OCA2: variants seen among roughly 807,000 people sequenced by gnomAD.
OCA2 encodes the protein OCA2 melanosomal transmembrane protein.
In OCA2, 77 loss-of-function variants were observed where a neutral mutation model predicts 100.2. That is an observed-to-expected ratio of 0.77 (90% CI 0.64 to 0.93). The LOEUF is 0.93. Ranked by LOEUF, OCA2 falls within the 40% of genes least tolerant of loss-of-function variation. The pLI is 0.00. For synonymous variants in OCA2, 432 were observed against 439.2 expected (o/e 0.98, Z 0.21); for missense variants, 1,062 against 1,089.1 (o/e 0.98, Z 0.35).
intron 2 of OCA2, among the ~76,000 whole-genome samples, chr15:28,073,380 C>A (rs2044325809): frequency 6.6e-6 from 1 of 152,164 alleles, no homozygotes; most frequent in African/African-American, 2.4e-5. Flanking sequence ...CACCACTGCA[C>A]TCCAACCTGG....
At position 27,755,053 on chromosome 15, in the gene OCA2, T is replaced by C; in HGVS notation, c.*335A>G. On this transcript the variant is annotated 3_prime_UTR_variant, in exon 24 of 24. Transcript: ENST00000354638. ...CTCAGGAGAATTGACAGTTAAACAG[T>C]ACAGTCAATTTTAGGTGGATGTGTG... 1 of 341,210 alleles carries C rather than the reference T, an allele frequency of 2.9e-6. No individual in the cohort carries two copies. The allele number at this position is 341,210 out of a possible 1,614,324, so 21.1% of individuals were successfully genotyped here.
intron 3 of OCA2, among the ~76,000 whole-genome samples, chr15:28,029,900 G>A (rs138273181): frequency 2.6e-5 from 4 of 152,316 alleles, no homozygotes; most frequent in Non-Finnish European, 5.9e-5. Flanking sequence ...GCTGACCCAT[G>A]TTCTACTCCC....
intron 9 of OCA2, among the ~76,000 whole-genome samples, chr15:28,014,422 A>G (rs115274738): frequency 0.014 from 2,057 of 152,310 alleles, 43 homozygotes; most frequent in African/African-American, 0.047. Context: ...GAGCACACCC[A>G]TCACACAGGT....
chr15:28,003,810 G>A (rs1407708141), intron 9 of OCA2, among the ~76,000 whole-genome samples: 6 of 152,212 alleles, frequency 3.9e-5, no homozygotes, highest in Admixed American at 2.0e-4. Flanking sequence ...TCCTCGATCT[G>A]GGTGCTCTGA....
chr15:27,759,347 A>G (rs2030644782), intron 23 of OCA2, among the ~76,000 whole-genome samples: 1 of 152,224 alleles, frequency 6.6e-6, no homozygotes, highest in African/African-American at 2.4e-5. Context: ...ATCTTGGAGT[A>G]TCAGGAAGGA....
At chr15:27,807,038 C>T (rs1203455350) in intron 23 of OCA2, among the ~76,000 whole-genome samples, 1 of 152,118 alleles carries the variant, frequency 6.6e-6, no homozygotes, top group African/African-American at 2.4e-5. Context: ...TGCTCTGGAC[C>T]GACCGGCCCT....
intron 9 of OCA2, among the ~76,000 whole-genome samples, chr15:28,011,072 A>G (rs528170860): frequency 1.3e-5 from 2 of 152,336 alleles, no homozygotes; most frequent in African/African-American, 2.4e-5. Context: ...ATGCAATTCA[A>G]CTGAGGAGGG....
At chr15:27,842,521 T>C (rs1567013406) in intron 23 of OCA2, among the ~76,000 whole-genome samples, 1 of 152,176 alleles carries the variant, frequency 6.6e-6, no homozygotes, top group Admixed American at 6.5e-5. Flanking sequence ...AAGAAATTCA[T>C]GCAAATAAAG....
At chr15:27,910,098 G>GA (rs112849772) in intron 19 of OCA2, among the ~76,000 whole-genome samples, 36 of 148,154 alleles carry the variant, frequency 2.4e-4, no homozygotes, top group African/African-American at 4.4e-4. Context: ...CTTCAAACAT[G>GA]AAAAAAAAAA....
chr15:27,904,915 G>A (rs1452474981), intron 19 of OCA2, among the ~76,000 whole-genome samples: 1 of 152,198 alleles, frequency 6.6e-6, no homozygotes, highest in Non-Finnish European at 1.5e-5. Flanking sequence ...TGTAATCCCA[G>A]CACTTTGGGA....
intron 18 of OCA2, among the ~76,000 whole-genome samples, chr15:27,940,098 CA>C (rs1381902832): frequency 6.6e-6 from 1 of 152,170 alleles, no homozygotes; most frequent in Non-Finnish European, 1.5e-5. Context: ...TCAGGCTCCT[CA>C]AAATCCAAAT....
At chr15:27,803,342 CAGATAAAT>C (rs1303574446) in intron 23 of OCA2, among the ~76,000 whole-genome samples, 3 of 151,946 alleles carry the variant, frequency 2.0e-5, no homozygotes, top group Non-Finnish European at 2.9e-5. Flanking sequence ...TATCCGTTGA[CAGATAAAT>C]AGATAAATTG....
intron 11 of OCA2, among the ~76,000 whole-genome samples, chr15:27,987,504 G>C (rs543166919): frequency 1.3e-5 from 2 of 151,226 alleles, no homozygotes; most frequent in South Asian, 4.2e-4. Context: ...CGGATCACGA[G>C]ATCAGGAGAT....
At position 28,069,931 on chromosome 15, in the gene OCA2, G is replaced by A. The variant is rs1211882283; in HGVS notation, c.227+11717C>T. On this transcript the variant is annotated intron_variant, in intron 2 of 23. Coordinates refer to ENST00000354638, the MANE Select transcript of OCA2 (RefSeq NM_000275.3). ...TGGAAAGTAAGGAGCATCTCCGCCC[G>A]GCCGCCATCCCATCTAGGAAGTGAG... 5.1e-4 allele frequency among the ~76,000 whole-genome samples: 63 copies of A among 122,620 alleles called. 4 individuals are homozygous for A. The highest frequency in any genetic ancestry group is 6.3e-4 in the Non-Finnish European group (42 of 66,182). 80.4% of individuals were successfully genotyped at this position (122,620 alleles called of 152,430 possible). A position where few individuals can be genotyped will look rare whatever the true frequency, so the allele number is the denominator to read the frequency against.
chr15:27,924,815 G>A (rs565641887), intron 19 of OCA2, among the ~76,000 whole-genome samples: 46 of 152,256 alleles, frequency 3.0e-4, no homozygotes, highest in South Asian at 2.9e-3. Flanking sequence ...GAAGCCAAGC[G>A]TATGAATAAG....
In OCA2 at chr15:27,989,317, AT is replaced by A. The variant is rs3214781; in HGVS notation, c.1182+283del. On this transcript the variant is annotated intron_variant, in intron 11 of 23. Coordinates refer to ENST00000354638, the MANE Select transcript of OCA2 (RefSeq NM_000275.3). The stretch of plus-strand genomic sequence containing the variant: ...ATGGTTTATTTATTTGGGATAGTCC[AT>A]TTTTTTTATTTTAACGGAAATAACT... 5.3e-5 allele frequency among the ~76,000 whole-genome samples: 8 copies of A among 151,980 alleles called. No homozygotes were observed. The East Asian group carries it at 1.5e-3, about 29-fold the overall frequency.
At chr15:27,838,992 G>C (rs1410289465) in intron 23 of OCA2, among the ~76,000 whole-genome samples, 3 of 152,092 alleles carry the variant, frequency 2.0e-5, no homozygotes, top group African/African-American at 4.8e-5. Context: ...TAGAACAATG[G>C]GGGGTGGAGG....
chr15:27,768,055 G>A (rs991289765), intron 23 of OCA2, among the ~76,000 whole-genome samples: 5 of 152,274 alleles, frequency 3.3e-5, no homozygotes, highest in Non-Finnish European at 7.4e-5. Context: ...AGCTGAAAGC[G>A]GTTGGAAAGG....
the OCA2 span, among the ~76,000 whole-genome samples, chr15:27,740,310 A>G: frequency 6.6e-6 from 1 of 152,096 alleles, no homozygotes. Context: ...AGGGACAGAA[A>G]AAGATCAAAA....
Sources: gnomAD v4.1 joint callset for allele counts (sites outside exome capture counted in the v4.1 genomes callset) on GRCh38, gnomAD v4.1.1 for gene constraint, MANE v1.5 for transcripts, NCBI Gene and HGNC (gene_info 2026-07-23, HGNC 2026-07-21) for gene names.